SPPL3: variants seen among roughly 807,000 people sequenced by gnomAD.
SPPL3 encodes the protein signal peptide peptidase-like 3.
A neutral mutation model predicts 42.4 loss-of-function variants in SPPL3; 5 were observed. That is an observed-to-expected ratio of 0.12 (90% confidence interval 0.06 to 0.25). SPPL3 has a LOEUF of 0.25. SPPL3 is among the 10% of genes least tolerant of loss of function. SPPL3 has a pLI of 1.00. For missense variants in SPPL3, 235 were observed against 489.0 expected, an observed-to-expected ratio of 0.48 and a Z score of 4.90; for synonymous variants, 195 against 181.8, an observed-to-expected ratio of 1.07 and a Z score of -0.58.
At chr12:120,843,956 C>T (rs1056920760) in intron 1 of SPPL3, among the ~76,000 whole-genome samples, 3 of 152,054 alleles carry the variant, frequency 2.0e-5, no homozygotes, top group African/African-American at 7.2e-5. Flanking sequence ...AGATTCCTCC[C>T]AAAAATAAAT....
intron 6 of SPPL3, among the ~76,000 whole-genome samples, chr12:120,774,455 T>C (rs919429869): frequency 5.9e-5 from 9 of 152,212 alleles, no homozygotes; most frequent in African/African-American, 2.2e-4. Context: ...TGGCTCTGCC[T>C]TGGCATCTGT....
rs148734759 is a variant in SPPL3 at position 120,810,305 on chromosome 12, T to A, written c.101+504A>T. ...CCAAAGATTAAGAACTTTATTAGCATCCTGGGTACAGTTTTACTTTGGTTT... is the reference window on the plus strand; with the variant it reads ...CCAAAGATTAAGAACTTTATTAGCAACCTGGGTACAGTTTTACTTTGGTTT... On this transcript the variant is annotated intron_variant, in intron 2 of 10. Coordinates refer to ENST00000353487, the MANE Select transcript of SPPL3 (RefSeq NM_139015.5). Among the ~76,000 whole-genome samples, 664 of 152,296 alleles carry A rather than the reference T, an allele frequency of 4.4e-3. 3 individuals carry two copies. The highest frequency in any genetic ancestry group is 7.1e-3 in the Non-Finnish European group (485 of 68,010).
chr12:120,801,468 C>T (rs1450143329), intron 2 of SPPL3, among the ~76,000 whole-genome samples: 2 of 151,880 alleles, frequency 1.3e-5, no homozygotes, highest in African/African-American at 4.8e-5. Flanking sequence ...CTTTTGTGCA[C>T]ATTAACAAAT....
At chr12:120,838,144 G>T (rs1871682882) in intron 1 of SPPL3, among the ~76,000 whole-genome samples, 1 of 152,104 alleles carries the variant, frequency 6.6e-6, no homozygotes, top group African/African-American at 2.4e-5. Context: ...ACCAAAACAA[G>T]GAAGAATAAA....
intron 1 of SPPL3, among the ~76,000 whole-genome samples, chr12:120,875,256 CAG>C (rs902392102): frequency 2.0e-5 from 3 of 151,840 alleles, no homozygotes; most frequent in African/African-American, 7.3e-5. Flanking sequence ...ATAACTAAAA[CAG>C]AAAAAAATTA....
At chr12:120,802,411 G>GTATATA (rs1383465712) in intron 2 of SPPL3, among the ~76,000 whole-genome samples, 1 of 101,306 alleles carries the variant, frequency 9.9e-6, no homozygotes, top group African/African-American at 4.7e-5. Context: ...GTGTGTGTGT[G>GTATATA]TGTGTATATA....
chr12:120,862,122 G>C (rs1183451933), intron 1 of SPPL3, among the ~76,000 whole-genome samples: 1 of 152,138 alleles, frequency 6.6e-6, no homozygotes, highest in African/African-American at 2.4e-5. Context: ...TGTTTATATA[G>C]ATTATACTTC....
chr12:120,871,529 G>C (rs1380622986), intron 1 of SPPL3, among the ~76,000 whole-genome samples: 1 of 152,112 alleles, frequency 6.6e-6, no homozygotes, highest in Non-Finnish European at 1.5e-5. Flanking sequence ...GAGATGAGTG[G>C]ATCATTTGAG....
intron 1 of SPPL3, among the ~76,000 whole-genome samples, chr12:120,836,191 T>C (rs938226061): frequency 2.6e-5 from 4 of 151,860 alleles, no homozygotes; most frequent in African/African-American, 9.7e-5. Flanking sequence ...GGAGTCTATT[T>C]CCCCTCCCCT....
chr12:120,865,796 T>C (rs1287884564), intron 1 of SPPL3, among the ~76,000 whole-genome samples: 1 of 152,202 alleles, frequency 6.6e-6, no homozygotes, highest in Non-Finnish European at 1.5e-5. Flanking sequence ...CACCAGTTAG[T>C]GGCCTGTTAG....
At chr12:120,811,263 A>G (rs1009986597) in intron 1 of SPPL3, 1 of 159,646 alleles carries the variant, frequency 6.3e-6, no homozygotes, top group African/African-American at 2.4e-5. Flanking sequence ...TTCAATCTCT[A>G]ATAGTATTTT....
chr12:120,820,512 T>A (rs1871031601), intron 1 of SPPL3, among the ~76,000 whole-genome samples: 1 of 151,898 alleles, frequency 6.6e-6, no homozygotes, highest in Non-Finnish European at 1.5e-5. Flanking sequence ...GAGACGGGGT[T>A]TCACCGTGTT....
chr12:120,773,341 G>C (rs1310588047), intron 6 of SPPL3, among the ~76,000 whole-genome samples: 1 of 152,250 alleles, frequency 6.6e-6, no homozygotes, highest in Non-Finnish European at 1.5e-5. Flanking sequence ...GCACAGGTGA[G>C]ACACAGGTTT....
At chr12:120,775,136 A>G (rs1869265871) in intron 6 of SPPL3, among the ~76,000 whole-genome samples, 1 of 152,010 alleles carries the variant, frequency 6.6e-6, no homozygotes, top group South Asian at 2.1e-4. Context: ...TCAGCGCACC[A>G]AGAGTGTAGC....
chr12:120,816,270 A>C (rs1392844489), intron 1 of SPPL3, among the ~76,000 whole-genome samples: 1 of 152,184 alleles, frequency 6.6e-6, no homozygotes, highest in Non-Finnish European at 1.5e-5. Flanking sequence ...TCAGATGTTT[A>C]ATGGTTTCTT....
chr12:120,836,525 C>G (rs1049527719), intron 1 of SPPL3, among the ~76,000 whole-genome samples: 1 of 149,762 alleles, frequency 6.7e-6, no homozygotes, highest in African/African-American at 2.5e-5. Context: ...CGGCAGACAC[C>G]ACACGGGACA....
At chr12:120,847,355 TGA>T (rs1872076539) in intron 1 of SPPL3, among the ~76,000 whole-genome samples, 1 of 152,118 alleles carries the variant, frequency 6.6e-6, no homozygotes, top group Non-Finnish European at 1.5e-5. Flanking sequence ...TGCAGTGGTG[TGA>T]TCTTGGCTTA....
At chr12:120,893,117 T>A (rs1316780441) in intron 1 of SPPL3, among the ~76,000 whole-genome samples, 3 of 151,804 alleles carry the variant, frequency 2.0e-5, no homozygotes, top group Non-Finnish European at 2.9e-5. Flanking sequence ...CCTTAATAAT[T>A]CTTTAAAAGG....
At chr12:120,878,387 C>G (rs1873177747) in intron 1 of SPPL3, among the ~76,000 whole-genome samples, 1 of 152,134 alleles carries the variant, frequency 6.6e-6, no homozygotes, top group Admixed American at 6.6e-5. Flanking sequence ...TATCAAAGAA[C>G]ACTCTGTAAA....
Sources: gnomAD v4.1 joint callset for allele counts (sites outside exome capture counted in the v4.1 genomes callset) on GRCh38, gnomAD v4.1.1 for gene constraint, MANE v1.5 for transcripts, NCBI Gene and HGNC (gene_info 2026-07-23, HGNC 2026-07-21) for gene names.